Variants in ZNF627 observed in about 807,000 individuals in gnomAD.
ZNF627 encodes zinc finger protein 627.
ZNF627 carries 12 observed loss-of-function variants against 10.6 expected under a neutral mutation model. The ratio of observed to expected loss-of-function variants is 1.13; its 90% CI spans 0.73 to 1.84. ZNF627 has a LOEUF of 1.84. Ranked by LOEUF, ZNF627 falls within the 40% of genes most tolerant of loss-of-function variation. The pLI is 0.00. For synonymous variants in ZNF627, 176 were observed against 187.1 expected, an observed-to-expected ratio of 0.94 and a Z score of 0.48; for missense variants, 504 against 568.4, an observed-to-expected ratio of 0.89 and a Z score of 1.15.
At chr19:11,610,654 G>A (rs947445633) in intron 1 of ZNF627, among the ~76,000 whole-genome samples, 1 of 151,980 alleles carries the variant, frequency 6.6e-6, no homozygotes, top group Non-Finnish European at 1.5e-5. Flanking sequence ...TATATATTCA[G>A]GGCAACTTGA....
chr19:11,600,565 A>G (rs1973568071), intron 1 of ZNF627, among the ~76,000 whole-genome samples: 1 of 152,090 alleles, frequency 6.6e-6, no homozygotes, highest in Non-Finnish European at 1.5e-5. Flanking sequence ...AGTGTTGGGA[A>G]TACTAAGGAA....
intron 1 of ZNF627, among the ~76,000 whole-genome samples, chr19:11,603,583 G>A (rs1001916389): frequency 4.6e-5 from 7 of 151,474 alleles, no homozygotes; most frequent in Admixed American, 6.6e-5. Context: ...CACTACGCCC[G>A]GCCTTATTTT....
At chr19:11,602,328 AAAAT>A (rs752730792) in intron 1 of ZNF627, among the ~76,000 whole-genome samples, 6 of 152,186 alleles carry the variant, frequency 3.9e-5, no homozygotes, top group Admixed American at 1.3e-4. Flanking sequence ...AATTGTGAGG[AAAAT>A]AAAGGGAATT....
At chr19:11,605,089 T>TTC (rs2145126614) in intron 1 of ZNF627, among the ~76,000 whole-genome samples, 1 of 143,174 alleles carries the variant, frequency 7.0e-6, no homozygotes, top group African/African-American at 2.6e-5. Flanking sequence ...TCTTTTTTTT[T>TTC]TTTTTTTTTT....
intron 1 of ZNF627, among the ~76,000 whole-genome samples, chr19:11,600,708 A>G (rs1333531074): frequency 6.6e-6 from 1 of 152,148 alleles, no homozygotes; most frequent in East Asian, 1.9e-4. Context: ...CAGGGTGGCA[A>G]ACTTGTGACA....
In ZNF627 at chr19:11,617,936, G is replaced by A; in HGVS notation, c.*47G>A. 1 of 1,460,150 alleles carries A rather than the reference G, an allele frequency of 6.8e-7. No individual in the cohort carries two copies. Among genetic ancestry groups the A allele is most frequent in the South Asian group, 1.4e-5 (1 of 69,966 alleles). The allele number at this position is 1,460,150 out of a possible 1,614,324, so 90.4% of individuals were successfully genotyped here. A position where few individuals can be genotyped will look rare whatever the true frequency, so the allele number is the denominator to read the frequency against. ...GAAACCCCATGAAAGTAAGAAATTT[G>A]GGAAAGCCTTCAGTCCTTTCTGTTT... On this transcript the variant is annotated 3_prime_UTR_variant, in exon 4 of 4. Transcript: ENST00000361113.
intron 1 of ZNF627, among the ~76,000 whole-genome samples, chr19:11,601,366 G>T (rs1227448591): frequency 6.6e-6 from 1 of 151,936 alleles, no homozygotes; most frequent in Non-Finnish European, 1.5e-5. Flanking sequence ...GTGTGACAGG[G>T]TCTCACTCTG....
chr19:11,598,785 A>G (rs1973536093), intron 1 of ZNF627, among the ~76,000 whole-genome samples: 1 of 152,194 alleles, frequency 6.6e-6, no homozygotes, highest in South Asian at 2.1e-4. Context: ...TGAACATTTC[A>G]CAGGAGAGGA....
Position 11,601,750 on chromosome 19 carries a change from G to A in ZNF627, c.3+4120G>A, listed in dbSNP as rs576733888. ...AGGCTGGGCGTGGTGGCTCACGTCT[G>A]TAATCCATGCACTTTGGGAGGCCGA... On this transcript the variant is annotated intron_variant, in intron 1 of 3. Transcript: ENST00000361113. Among the ~76,000 whole-genome samples the A allele has an allele frequency of 3.9e-5, 6 of 152,120 alleles. No homozygotes were observed. In the South Asian group the frequency reaches 1.0e-3, roughly 26 times the overall value.
intron 1 of ZNF627, among the ~76,000 whole-genome samples, chr19:11,612,331 A>G (rs1359526995): frequency 1.3e-5 from 2 of 150,492 alleles, no homozygotes; most frequent in African/African-American, 2.4e-5. Context: ...TGTGTTAGCC[A>G]GGATGGTCTC....
chr19:11,599,681 G>A (rs187749593), intron 1 of ZNF627, among the ~76,000 whole-genome samples: 31 of 151,958 alleles, frequency 2.0e-4, no homozygotes, highest in Middle Eastern at 6.8e-3. Flanking sequence ...TGAGGTGGGC[G>A]GATCACTTGA....
In ZNF627 at chr19:11,617,573, AC is replaced by A. The variant is rs779790066; in HGVS notation, c.1071del (p.His357GlnfsTer178). 1 of 1,613,926 alleles carries A rather than the reference AC, an allele frequency of 6.2e-7. No homozygotes were observed. Among genetic ancestry groups the A allele is most frequent in the Non-Finnish European group, 8.5e-7 (1 of 1,179,982 alleles). On this transcript the variant is annotated frameshift_variant, in exon 4 of 4. Coordinates refer to ENST00000361113, the MANE Select transcript of ZNF627 (RefSeq NM_145295.4). LOFTEE classifies it low-confidence loss of function (END_TRUNC). The part of the protein sequence containing the change: ...PSSFRIHERT[H>X]TGEKPYDCKQ... Reference sequence around the variant, plus strand: ...TCATTTCGAATCCATGAAAGGACCCACACTGGAGAGAAACCCTATGATTGTA... The same window carrying A: ...TCATTTCGAATCCATGAAAGGACCCAACTGGAGAGAAACCCTATGATTGTA...
At chr19:11,606,185 C>G (rs1568440737) in intron 1 of ZNF627, among the ~76,000 whole-genome samples, 1 of 151,712 alleles carries the variant, frequency 6.6e-6, no homozygotes, top group East Asian at 1.9e-4. Context: ...ATTAAAAATA[C>G]AAAAAATTAG....
chr19:11,597,640 AGGGGTCAGGCGTCCCCAGACCTG>A lies in ZNF627; in HGVS notation c.3+15_3+37del, dbSNP rs760866293. 1 of 1,336,642 alleles carries A rather than the reference AGGGGTCAGGCGTCCCCAGACCTG, an allele frequency of 7.5e-7. No homozygotes were observed. The allele number at this position is 1,336,642 out of a possible 1,614,324, so 82.8% of individuals were successfully genotyped here. A position where few individuals can be genotyped will look rare whatever the true frequency, so the allele number is the denominator to read the frequency against. On this transcript the variant is annotated intron_variant, in intron 1 of 3. Transcript: ENST00000361113. Reference sequence around the variant, plus strand: ...TGGAAGCCGAGAAATGGTGCGTGTGAGGGGTCAGGCGTCCCCAGACCTGGGGGAGGGGCTGGTTGGAACCGGCC... The same window carrying A: ...TGGAAGCCGAGAAATGGTGCGTGTGAGGGGAGGGGCTGGTTGGAACCGGCC...
At chr19:11,606,330 C>G (rs1431167311) in intron 1 of ZNF627, among the ~76,000 whole-genome samples, 2 of 151,116 alleles carry the variant, frequency 1.3e-5, no homozygotes, top group African/African-American at 4.9e-5. Context: ...GAGCCAGACT[C>G]TGTCTCAAAA....
intron 1 of ZNF627, among the ~76,000 whole-genome samples, chr19:11,613,770 C>G (rs1424026483): frequency 6.6e-6 from 1 of 152,088 alleles, no homozygotes; most frequent in African/African-American, 2.4e-5. Context: ...AGTTATGACT[C>G]TTTTATCAGT....
At chr19:11,600,631 C>T (rs553637145) in intron 1 of ZNF627, among the ~76,000 whole-genome samples, 1 of 151,982 alleles carries the variant, frequency 6.6e-6, no homozygotes, top group Non-Finnish European at 1.5e-5. Flanking sequence ...TACATTTCCA[C>T]AAGTAAGTGT....
chr19:11,604,548 C>G (rs575515781), intron 1 of ZNF627, among the ~76,000 whole-genome samples: 4 of 152,140 alleles, frequency 2.6e-5, no homozygotes, highest in African/African-American at 9.7e-5. Context: ...ACACCCTCCC[C>G]CTCCATGGAT....
chr19:11,597,744 C>T, intron 1 of ZNF627, 114 bp downstream of exon 1: 1 of 1,166,766 alleles, frequency 8.6e-7, no homozygotes, highest in Non-Finnish European at 1.1e-6. Context: ...GGTCTGGGAC[C>T]CGAGTTCCCT....
Sources: allele counts gnomAD v4.1 joint callset (sites outside exome capture counted in the v4.1 genomes callset), GRCh38; gene constraint gnomAD v4.1.1; transcripts MANE v1.5; gene names NCBI Gene and HGNC (gene_info 2026-07-23, HGNC 2026-07-21).